FARS2: variants seen among roughly 807,000 people sequenced by gnomAD.
FARS2 encodes phenylalanine--tRNA ligase, mitochondrial.
FARS2 carries 40 observed loss-of-function variants against 46.4 expected under a neutral mutation model. The ratio of observed to expected loss-of-function variants is 0.86; its 90% confidence interval spans 0.67 to 1.12. The LOEUF (loss-of-function observed/expected upper bound fraction) is 1.12, where lower values mean the gene tolerates loss of function less well. Ranked by LOEUF, FARS2 falls within the 50% of genes most tolerant of loss-of-function variation. The pLI, the probability that FARS2 is intolerant of heterozygous loss-of-function variation, is 0.00. For synonymous variants in FARS2, 234 were observed against 214.9 expected (o/e 1.09, Z -0.78); for missense variants, 513 against 567.9 (o/e 0.90, Z 0.98).
intron 6 of FARS2, among the ~76,000 whole-genome samples, chr6:5,720,907 G>A (rs1283791404): frequency 6.6e-6 from 1 of 152,010 alleles, no homozygotes; most frequent in African/African-American, 2.4e-5. Flanking sequence ...TTTTTAATTA[G>A]CTGTGCTAGG....
intron 6 of FARS2, among the ~76,000 whole-genome samples, chr6:5,721,178 A>T (rs1367096498): frequency 6.6e-6 from 1 of 152,222 alleles, no homozygotes; most frequent in Non-Finnish European, 1.5e-5. Context: ...AACTATAAAA[A>T]TTTTTGTGAA....
intron 5 of FARS2, among the ~76,000 whole-genome samples, chr6:5,546,198 T>A (rs72817765): frequency 0.17 from 24,976 of 151,034 alleles, 2,364 homozygotes; most frequent in East Asian, 0.31. Flanking sequence ...AGAAATTTTA[T>A]GCAAGAGAAA....
chr6:5,464,267 G>C (rs1765396822), intron 4 of FARS2, among the ~76,000 whole-genome samples: 1 of 152,194 alleles, frequency 6.6e-6, no homozygotes, highest in Non-Finnish European at 1.5e-5. Flanking sequence ...CTGCGACTCG[G>C]CAGAGCAGCT....
In FARS2 at chr6:5,343,992, G is replaced by A. The variant is rs1009542877; in HGVS notation, c.-21-24558G>A. 2.6e-5 allele frequency among the ~76,000 whole-genome samples: 4 copies of A among 152,224 alleles called. No homozygotes were observed. Among genetic ancestry groups the A allele is most frequent in the Admixed American group, 6.5e-5 (1 of 15,280 alleles). ...GGTGTCCTCTGTCTTTGCTGTGAGC[G>A]GCGTGACAGCTGTGCCTTCCGTGCT... On this transcript the variant is annotated intron_variant, in intron 1 of 6. Transcript: ENST00000274680. The surrounding 1 kb of genome is among the most constrained non-coding windows in gnomAD (Gnocchi z 4.5).
intron 4 of FARS2, among the ~76,000 whole-genome samples, chr6:5,458,885 C>G (rs1562056029): frequency 6.6e-6 from 1 of 152,154 alleles, no homozygotes; most frequent in Non-Finnish European, 1.5e-5. Context: ...GAAGGGCCAT[C>G]CATGACTGTA....
chr6:5,264,970 G>GTTTTT (rs55760923), intron 1 of FARS2, among the ~76,000 whole-genome samples: 1 of 136,220 alleles, frequency 7.3e-6, no homozygotes. Context: ...ATTTTTAAGT[G>GTTTTT]TTTTTTTTTT....
At chr6:5,653,180 A>G (rs1215088658) in intron 6 of FARS2, among the ~76,000 whole-genome samples, 1 of 152,206 alleles carries the variant, frequency 6.6e-6, no homozygotes, top group Non-Finnish European at 1.5e-5. Context: ...TGATTTAAGA[A>G]CGCTTTTCAT....
At chr6:5,602,082 A>G (rs1471048220) in intron 5 of FARS2, among the ~76,000 whole-genome samples, 1 of 152,228 alleles carries the variant, frequency 6.6e-6, no homozygotes, top group South Asian at 2.1e-4. Context: ...GAAGGAAACC[A>G]GAGAATGACT....
intron 6 of FARS2, among the ~76,000 whole-genome samples, chr6:5,686,583 T>A (rs1169100568): frequency 6.6e-6 from 1 of 152,250 alleles, no homozygotes; most frequent in Non-Finnish European, 1.5e-5. Flanking sequence ...GTGCCACATT[T>A]TCTTAATCCA....
chr6:5,263,148 TG>T (rs1419126772), intron 1 of FARS2, among the ~76,000 whole-genome samples: 3 of 152,242 alleles, frequency 2.0e-5, no homozygotes, highest in Non-Finnish European at 4.4e-5. Context: ...ATTTTGCTTT[TG>T]AGAGTAAAGT....
chr6:5,630,259 G>C lies in FARS2; in HGVS notation c.1217+16939G>C, dbSNP rs1038927292. Among the ~76,000 whole-genome samples, 9 of 152,142 alleles carry C rather than the reference G, an allele frequency of 5.9e-5. No homozygotes were observed. The highest frequency in any genetic ancestry group is 2.2e-4 in the African/African-American group (9 of 41,414). The stretch of plus-strand genomic sequence containing the variant: ...GATGGAAGTCAAAGAGCAGAGGCTG[G>C]GAATGAAAGCCATTGGAAGGTACAG... On this transcript the variant is annotated intron_variant, in intron 6 of 6. Coordinates refer to ENST00000274680, the MANE Select transcript of FARS2 (RefSeq NM_006567.5). The surrounding 1 kb of genome is among the most constrained non-coding windows in gnomAD (Gnocchi z 4.2).
chr6:5,621,770 T>C (rs531852024), intron 6 of FARS2, among the ~76,000 whole-genome samples: 1 of 152,314 alleles, frequency 6.6e-6, no homozygotes, highest in Non-Finnish European at 1.5e-5. Flanking sequence ...GTGGGTACTT[T>C]AAGACAAAGG....
upstream of FARS2, among the ~76,000 whole-genome samples, chr6:5,258,095 A>G (rs1238543696): frequency 6.6e-6 from 1 of 152,176 alleles, no homozygotes; most frequent in East Asian, 1.9e-4. Flanking sequence ...AAAGGCCTGG[A>G]GGCCCAACAG....
intron 6 of FARS2, among the ~76,000 whole-genome samples, chr6:5,684,706 A>G (rs899787491): frequency 6.6e-6 from 1 of 152,178 alleles, no homozygotes; most frequent in African/African-American, 2.4e-5. Flanking sequence ...CCTAAAGGAG[A>G]CATCTTACAC....
chr6:5,557,420 A>G (rs1363227161), intron 5 of FARS2, among the ~76,000 whole-genome samples: 2 of 152,190 alleles, frequency 1.3e-5, no homozygotes, highest in Non-Finnish European at 1.5e-5. Context: ...CTTCCTTTTC[A>G]TAAGAGTGAG....
intron 2 of FARS2, among the ~76,000 whole-genome samples, chr6:5,373,793 CT>C (rs1228884556): frequency 6.6e-6 from 1 of 151,708 alleles, no homozygotes; most frequent in Non-Finnish European, 1.5e-5. Flanking sequence ...AAGCGCTGCT[CT>C]ATGGGATAAA....
chr6:5,741,052 T>C (rs1761301450), intron 6 of FARS2, among the ~76,000 whole-genome samples: 1 of 152,198 alleles, frequency 6.6e-6, no homozygotes, highest in Non-Finnish European at 1.5e-5. Context: ...CAAGGGCCTC[T>C]CTGGAAATGC....
chr6:5,605,028 C>A, intron 5 of FARS2, among the ~76,000 whole-genome samples: 1 of 152,224 alleles, frequency 6.6e-6, no homozygotes, highest in East Asian at 1.9e-4. Context: ...AGTTAAGAAC[C>A]ATTGTGTGAG....
At chr6:5,416,683 AT>A (rs1158157873) in intron 3 of FARS2, among the ~76,000 whole-genome samples, 4 of 151,420 alleles carry the variant, frequency 2.6e-5, no homozygotes, top group East Asian at 3.9e-4. Context: ...TATGAGTAAC[AT>A]TTTTTTTCTT....
Sources: allele counts gnomAD v4.1 joint callset (sites outside exome capture counted in the v4.1 genomes callset), GRCh38; gene constraint gnomAD v4.1.1; non-coding constraint Gnocchi (gnomAD v3.1); transcripts MANE v1.5; gene names NCBI Gene and HGNC (gene_info 2026-07-23, HGNC 2026-07-21).